The following MCCC1 variants were observed in gnomAD, a reference collection of about 807,000 sequenced individuals.
MCCC1 encodes the protein methylcrotonoyl-CoA carboxylase subunit alpha, mitochondrial.
MCCC1 carries 64 observed loss-of-function variants against 83.8 expected under a neutral mutation model. That is an observed-to-expected ratio of 0.76 (90% CI 0.62 to 0.94). MCCC1 has a LOEUF of 0.94. MCCC1 is among the 40% of genes least tolerant of loss of function. MCCC1 has a pLI of 0.00. For synonymous variants in MCCC1, 322 were observed against 315.4 expected, an observed-to-expected ratio of 1.02 and a Z score of -0.22; for missense variants, 807 against 904.7, an observed-to-expected ratio of 0.89 and a Z score of 1.39.
At chr3:183,113,376 T>C (rs1482689083) in intron 1 of MCCC1, among the ~76,000 whole-genome samples, 1 of 131,242 alleles carries the variant, frequency 7.6e-6, no homozygotes, top group Non-Finnish European at 1.5e-5. Context: ...ATGAGAACAC[T>C]TGGACAGGAA....
chr3:183,091,734 G>A (rs2108563923), intron 3 of MCCC1, among the ~76,000 whole-genome samples: 1 of 152,232 alleles, frequency 6.6e-6, no homozygotes, highest in Non-Finnish European at 1.5e-5. Context: ...CCAGTAAGTA[G>A]CAGGTGCTAA....
intron 4 of MCCC1, among the ~76,000 whole-genome samples, chr3:183,078,023 T>TCA (rs1254477610): frequency 6.6e-6 from 1 of 152,140 alleles, no homozygotes; most frequent in Non-Finnish European, 1.5e-5. Flanking sequence ...TATTGTAGCT[T>TCA]TATATATATA....
At chr3:183,045,055 GT>G (rs1714432194) in intron 10 of MCCC1, among the ~76,000 whole-genome samples, 2 of 150,376 alleles carry the variant, frequency 1.3e-5, no homozygotes, top group South Asian at 4.2e-4. Flanking sequence ...CATTTAGGTA[GT>G]TTTTCAGCCC....
chr3:183,018,932 A>G (rs147215612), intron 17 of MCCC1, among the ~76,000 whole-genome samples: 41 of 152,348 alleles, frequency 2.7e-4, no homozygotes, highest in African/African-American at 8.9e-4. Context: ...AAATGGACTC[A>G]TAGATCCTAT....
At chr3:183,055,758 G>T (rs1050742101) in intron 8 of MCCC1, among the ~76,000 whole-genome samples, 4 of 151,952 alleles carry the variant, frequency 2.6e-5, no homozygotes, top group African/African-American at 9.7e-5. Flanking sequence ...AAATTAGCCA[G>T]GCATGGTGGC....
Position 183,037,265 on chromosome 3 carries a change from A to T in MCCC1, c.1547T>A (p.Ile516Asn). Reference sequence around the variant, plus strand: ...GTCGGTCATGGCTTTCTCCTTGAGGATGAGACCCAGGGCTGCCTGGCATAA... The same window carrying T: ...GTCGGTCATGGCTTTCTCCTTGAGGTTGAGACCCAGGGCTGCCTGGCATAA... ...ESLCQAALGL[I>N]LKEKAMTDTF... Residue 516 changes from isoleucine (I) to asparagine (N), a missense_variant, in exon 13 of 19, where the codon ATC becomes AAC. Ile to Asn is a moderately radical substitution (Grantham distance 149, BLOSUM62 -3). Transcript: ENST00000265594. 6.2e-7 allele frequency: 1 copy of T among 1,614,064 alleles called. No homozygotes were observed. Among genetic ancestry groups the T allele is most frequent in the Non-Finnish European group, 8.5e-7 (1 of 1,180,038 alleles).
At chr3:183,029,541 C>T (rs1008171892) in intron 14 of MCCC1, among the ~76,000 whole-genome samples, 2 of 152,176 alleles carry the variant, frequency 1.3e-5, no homozygotes, top group African/African-American at 4.8e-5. Context: ...TTTTCACATG[C>T]AACAGTTTCC....
upstream of MCCC1, among the ~76,000 whole-genome samples, chr3:183,101,337 T>C (rs1205677052): frequency 6.6e-6 from 1 of 152,168 alleles, no homozygotes; most frequent in Non-Finnish European, 1.5e-5. Context: ...CGGTGCGGGA[T>C]CCACTAGGTG....
intron 1 of MCCC1, among the ~76,000 whole-genome samples, chr3:183,096,344 AAAT>A (rs1193955503): frequency 2.0e-5 from 3 of 151,972 alleles, no homozygotes; most frequent in Non-Finnish European, 4.4e-5. Context: ...TCAAAAAAAA[AAAT>A]AAATAAATAA....
Position 183,097,209 on chromosome 3 carries a change from C to T in MCCC1, c.89+2143G>A, listed in dbSNP as rs142909959. 3.7e-3 allele frequency among the ~76,000 whole-genome samples: 562 copies of T among 151,864 alleles called. 7 individuals carry two copies. Among genetic ancestry groups the T allele is most frequent in the Admixed American group, 0.026 (394 of 15,252 alleles). On this transcript the variant is annotated intron_variant, in intron 1 of 18. Coordinates refer to ENST00000265594, the MANE Select transcript of MCCC1 (RefSeq NM_020166.5). ...GAGCCGAGATTGCGCCACTGCAGTC[C>T]GCAGTCCGGCCTGGGCGACAGAGCG...
intron 15 of MCCC1, among the ~76,000 whole-genome samples, chr3:183,024,100 A>G (rs1204361781): frequency 6.6e-6 from 1 of 152,004 alleles, no homozygotes; most frequent in East Asian, 1.9e-4. Context: ...AAAACACACA[A>G]TTACCCGGGC....
intron 7 of MCCC1, among the ~76,000 whole-genome samples, chr3:183,058,176 CTT>C (rs1326358516): frequency 2.0e-5 from 3 of 152,096 alleles, no homozygotes; most frequent in Non-Finnish European, 4.4e-5. Flanking sequence ...TTTTTTATGA[CTT>C]TTTGTTTTTA....
chr3:183,086,747 C>G lies in MCCC1; in HGVS notation c.315G>C (p.Gln105His), dbSNP rs1717920438. The change falls in exon 4 of 19, where the codon CAG becomes CAC. Residue 105 changes from glutamine to histidine, a missense_variant. Coordinates refer to ENST00000265594, the MANE Select transcript of MCCC1 (RefSeq NM_020166.5). ...AYSIGPAPSQ[Q>H]SYLSMEKIIQ... ...TGATTTTCTCCATAGATAGGTAGCT[C>G]TGCTGGGAGGGAGCGGGGCCGATGG... 3 of 1,614,196 alleles carry G rather than the reference C, an allele frequency of 1.9e-6. No individual in the cohort carries two copies. The East Asian group carries it at 6.7e-5, about 36-fold the overall frequency.
chr3:183,031,815 T>C (rs570163357), intron 14 of MCCC1, among the ~76,000 whole-genome samples: 2 of 151,408 alleles, frequency 1.3e-5, no homozygotes, highest in African/African-American at 2.4e-5. Flanking sequence ...TATCTTTTTT[T>C]TTTTTTTTCC....
chr3:183,022,396 A>G (rs1236004824), intron 16 of MCCC1, 21 bp downstream of exon 16: 1 of 1,613,490 alleles, frequency 6.2e-7, no homozygotes. Flanking sequence ...CAGGAGGGAT[A>G]TTATAAAGAA....
At chr3:183,110,340 A>G (rs1719472196) in intron 1 of MCCC1, among the ~76,000 whole-genome samples, 1 of 148,470 alleles carries the variant, frequency 6.7e-6, no homozygotes, top group South Asian at 2.1e-4. Flanking sequence ...TCAGAATGGT[A>G]TTTTCTAGGT....
At position 183,015,295 on chromosome 3, in the gene MCCC1, C is replaced by T. The variant is rs1332004064; in HGVS notation, c.*143G>A. The T allele has an allele frequency of 7.2e-6, 6 of 836,170 alleles. No homozygotes were observed. Among genetic ancestry groups the T allele is most frequent in the Non-Finnish European group, 1.2e-5 (6 of 485,418 alleles). The allele number at this position is 836,170 out of a possible 1,614,324, so 51.8% of individuals were successfully genotyped here. A position where few individuals can be genotyped will look rare whatever the true frequency, so the allele number is the denominator to read the frequency against. On this transcript the variant is annotated 3_prime_UTR_variant, in exon 19 of 19. Coordinates refer to ENST00000265594, the MANE Select transcript of MCCC1 (RefSeq NM_020166.5). ...TAATTAGTGACCCAAATGCATGATTCTCCAATATGAAAGGTGTTCAGCATA... is the reference window on the plus strand; with the variant it reads ...TAATTAGTGACCCAAATGCATGATTTTCCAATATGAAAGGTGTTCAGCATA...
At chr3:183,046,458 C>T (rs997082879) in intron 9 of MCCC1, among the ~76,000 whole-genome samples, 9 of 150,408 alleles carry the variant, frequency 6.0e-5, no homozygotes, top group African/African-American at 2.2e-4. Flanking sequence ...GGTGCAATGG[C>T]GTGATCTTGG....
chr3:183,101,862 G>A (rs1227518393), upstream of MCCC1, among the ~76,000 whole-genome samples: 1 of 152,022 alleles, frequency 6.6e-6, no homozygotes, highest in Non-Finnish European at 1.5e-5. Flanking sequence ...GAGCCCACCG[G>A]GAGGAACGAA....
Sources: gnomAD v4.1 joint callset for allele counts (sites outside exome capture counted in the v4.1 genomes callset) on GRCh38, gnomAD v4.1.1 for gene constraint, MANE v1.5 for transcripts, NCBI Gene and HGNC (gene_info 2026-07-23, HGNC 2026-07-21) for gene names.